The following VPS51 variants were observed in gnomAD, a reference collection of about 807,000 sequenced individuals.
VPS51 encodes the protein vacuolar protein sorting-associated protein 51 homolog.
Under a neutral mutation model 65.1 loss-of-function variants are expected in VPS51, and 55 were observed. That is an observed-to-expected ratio of 0.84 (90% CI 0.68 to 1.06). The LOEUF is 1.06. VPS51 is among the 50% of genes least tolerant of loss of function. The pLI, the probability that VPS51 is intolerant of heterozygous loss-of-function variation, is 0.00. For synonymous variants in VPS51, 473 were observed against 489.5 expected, an observed-to-expected ratio of 0.97 and a Z score of 0.44; for missense variants, 943 against 1,101.6, an observed-to-expected ratio of 0.86 and a Z score of 2.04.
chr11:65,109,854 T>G lies in VPS51; in HGVS notation c.1809T>G (p.Thr603=), dbSNP rs1476674430. ...TGGAGACTCGCGACTGGCTCAGCAC[T>G]CTGGAGCCCCGGAATGTGCGGGCCG... The part of the protein sequence containing the change: ...KSVETRDWLS[T]LEPRNVRAVM... Residue 603 remains threonine (T), a synonymous_variant, in exon 7 of 10, where the codon ACT becomes ACG. Coordinates refer to ENST00000279281, the MANE Select transcript of VPS51 (RefSeq NM_013265.4). The G allele has an allele frequency of 6.2e-7, 1 of 1,611,964 alleles. No homozygotes were observed. Among genetic ancestry groups the G allele is most frequent in the Admixed American group, 1.7e-5 (1 of 59,862 alleles).
At chr11:65,110,185 A>G (rs895470951) in intron 7 of VPS51, 94 of 621,406 alleles carry the variant, frequency 1.5e-4, no homozygotes, top group Non-Finnish European at 3.9e-5. Flanking sequence ...GGATTATGAC[A>G]TCTTCGCCCC....
chr11:65,101,806 A>G (rs1207231525), intron 2 of VPS51, among the ~76,000 whole-genome samples: 1 of 149,868 alleles, frequency 6.7e-6, no homozygotes, highest in Non-Finnish European at 1.5e-5. Context: ...ATTAACAGAC[A>G]TACAGAAAAG....
In VPS51 at chr11:65,096,497, T is replaced by TGG; in HGVS notation, c.228+25_228+26dup. 12 of 628,424 alleles carry TGG rather than the reference T, an allele frequency of 1.9e-5. No homozygotes were observed. Among genetic ancestry groups the TGG allele is most frequent in the East Asian group, 4.6e-5 (1 of 21,550 alleles). 38.9% of individuals were successfully genotyped at this position (628,424 alleles called of 1,614,324 possible). On this transcript the variant is annotated intron_variant, in intron 1 of 9. Transcript: ENST00000279281. ...AGACAAGGTGTGTGCGCACGGGGAG[T>TGG]GGGGGGGTGCGGGGAGGGGGGAAGG...
chr11:65,109,887 G>A lies in VPS51; in HGVS notation c.1842G>A (p.Lys614=). The A allele has an allele frequency of 6.2e-7, 1 of 1,609,906 alleles. No homozygotes were observed. Among genetic ancestry groups the A allele is most frequent in the Admixed American group, 1.7e-5 (1 of 59,724 alleles). ...LEPRNVRAVM[K]RVVEDTTAID... ...CCCGGAATGTGCGGGCCGTCATGAA[G>A]CGGGTGGTGGAGGATACCACCGCCA... is the stretch of plus-strand genomic sequence containing the variant. Residue 614 remains lysine, a synonymous_variant, in exon 7 of 10, where the codon AAG becomes AAA. Coordinates refer to ENST00000279281, the MANE Select transcript of VPS51 (RefSeq NM_013265.4).
At chr11:65,100,150 T>C (rs1947798467) in intron 2 of VPS51, among the ~76,000 whole-genome samples, 2 of 152,096 alleles carry the variant, frequency 1.3e-5, no homozygotes, top group South Asian at 4.1e-4. Context: ...GCCCACAGAA[T>C]GGGAGAAAAT....
chr11:65,101,013 GT>G (rs1163424508), intron 2 of VPS51, among the ~76,000 whole-genome samples: 1 of 152,210 alleles, frequency 6.6e-6, no homozygotes, highest in Non-Finnish European at 1.5e-5. Flanking sequence ...ACATGCTAAT[GT>G]TTCATATGCC....
At position 65,108,208 on chromosome 11, in the gene VPS51, C is replaced by T. The variant is rs745643658; in HGVS notation, c.737C>T (p.Ser246Leu). ...QLRQRFREGGSGAPEQAECVE... is the reference protein window; with the variant it reads ...QLRQRFREGGLGAPEQAECVE... ...TCTCCCTCGTGCAGGGAGGGCGGCT[C>T]AGGCGCCCCGGAGCAGGCAGAGTGC... Residue 246 changes from serine to leucine, a missense_variant, in exon 5 of 10, where the codon TCA becomes TTA. Physicochemically the swap from Ser to Leu is moderately radical, Grantham distance 145. Transcript: ENST00000279281. 5 of 1,600,280 alleles carry T rather than the reference C, an allele frequency of 3.1e-6. No homozygotes were observed. The highest frequency in any genetic ancestry group is 2.2e-5 in the South Asian group (2 of 89,758).
Position 65,108,414 on chromosome 11 carries a change from C to T in VPS51, c.943C>T (p.Leu315Phe), listed in dbSNP as rs760838571. Reference sequence around the variant, plus strand: ...TGGAGGCAGTGGCTTCGTGGGCGGCCTCTGCCAGGTGGCGGCGGCCTACCA... The same window carrying T: ...TGGAGGCAGTGGCTTCGTGGGCGGCTTCTGCCAGGTGGCGGCGGCCTACCA... Reference protein sequence around the residue: ...DHGGSGFVGGLCQVAAAYQEL... With the variant: ...DHGGSGFVGGFCQVAAAYQEL... Residue 315 changes from leucine to phenylalanine, a missense_variant, in exon 5 of 10, where the codon CTC becomes TTC. By Grantham distance (22) the Leu-to-Phe change is conservative. Coordinates refer to ENST00000279281, the MANE Select transcript of VPS51 (RefSeq NM_013265.4). 21 of 1,612,060 alleles carry T rather than the reference C, an allele frequency of 1.3e-5. No homozygotes were observed. The highest frequency in any genetic ancestry group is 1.8e-5 in the Non-Finnish European group (21 of 1,179,638).
At position 65,111,646 on chromosome 11, in the gene VPS51, C is replaced by G. The variant is rs1051626885; in HGVS notation, c.*59C>G. Reference sequence around the variant, plus strand: ...CACCCCATGGCACCCAGGATCTGGTCTCGGTGGTCCTTCCCCGCAGGCAGG... The same window carrying G: ...CACCCCATGGCACCCAGGATCTGGTGTCGGTGGTCCTTCCCCGCAGGCAGG... On this transcript the variant is annotated 3_prime_UTR_variant, in exon 10 of 10. Coordinates refer to ENST00000279281, the MANE Select transcript of VPS51 (RefSeq NM_013265.4). 5.3e-6 allele frequency: 8 copies of G among 1,522,492 alleles called. No homozygotes were observed. In the South Asian group the frequency reaches 6.1e-5, roughly 12 times the overall value. 94.3% of individuals were successfully genotyped at this position (1,522,492 alleles called of 1,614,324 possible).
chr11:65,101,656 G>A (rs1002632502), intron 2 of VPS51, among the ~76,000 whole-genome samples: 3 of 149,126 alleles, frequency 2.0e-5, no homozygotes, highest in Non-Finnish European at 4.4e-5. Context: ...AGTCCGAGCT[G>A]CTCAGGAAGC....
chr11:65,108,601 G>A lies in VPS51; in HGVS notation c.1130G>A (p.Arg377Gln). 1 of 1,532,012 alleles carries A rather than the reference G, an allele frequency of 6.5e-7. No homozygotes were observed. The highest frequency in any genetic ancestry group is 2.1e-5 in the Admixed American group (1 of 47,588). The allele number at this position is 1,532,012 out of a possible 1,614,324, so 94.9% of individuals were successfully genotyped here. A position where few individuals can be genotyped will look rare whatever the true frequency, so the allele number is the denominator to read the frequency against. The change falls in exon 5 of 10, where the codon CGG (arginine) becomes CAG (glutamine). Residue 377 changes from arginine (R) to glutamine (Q), a missense_variant. This residue lies in a region of VPS51 where 855 missense variants were observed against 953.7 expected (regional missense o/e 0.90). Transcript: ENST00000279281. ...LLVRALDRFH[R>Q]RLRAPGALLA... ...GTGCGGGCGCTGGACCGCTTCCACCGGCGCTTGCGGGCTCCCGGGGCCCTG... is the reference window on the plus strand; with the variant it reads ...GTGCGGGCGCTGGACCGCTTCCACCAGCGCTTGCGGGCTCCCGGGGCCCTG...
rs1286105060 is a variant in VPS51 at position 65,108,687 on chromosome 11, C to T, written c.1216C>T (p.Arg406Cys). The T allele has an allele frequency of 5.0e-6, 8 of 1,591,804 alleles. No individual in the cohort carries two copies. Among genetic ancestry groups the T allele is most frequent in the African/African-American group, 1.3e-5 (1 of 74,472 alleles). Residue 406 changes from arginine to cysteine, a missense_variant, in exon 5 of 10, where the codon CGC (arginine) becomes TGC (cysteine). Arg to Cys is a radical substitution (Grantham distance 180, BLOSUM62 -3). Around this residue, in one of 2 missense-constraint regions of VPS51, gnomAD observed 855 missense variants for 953.7 expected, o/e 0.90. Coordinates refer to ENST00000279281, the MANE Select transcript of VPS51 (RefSeq NM_013265.4). ...TEIVERVARERLGHHLQGLRA... is the reference protein window; with the variant it reads ...TEIVERVARECLGHHLQGLRA... Reference sequence around the variant, plus strand: ...GATCGTGGAACGAGTGGCCCGCGAGCGCCTGGGCCACCACCTGCAGGGTCT... The same window carrying T: ...GATCGTGGAACGAGTGGCCCGCGAGTGCCTGGGCCACCACCTGCAGGGTCT...
rs1947890281 is a variant in VPS51 at position 65,110,700 on chromosome 11, G to A, written c.2007G>A (p.Pro669=). The part of the protein sequence containing the change: ...RYAPSYTPSA[P]MDTNLLSNIQ... The stretch of plus-strand genomic sequence containing the variant: ...CTTGTCTTCCCCAATCCAGTGCCCC[G>A]ATGGACACCAACCTCTTGAGCAATA... Residue 669 remains proline (P), a synonymous_variant, in exon 9 of 10, where the codon CCG becomes CCA. Coordinates refer to ENST00000279281, the MANE Select transcript of VPS51 (RefSeq NM_013265.4). 3 of 1,614,036 alleles carry A rather than the reference G, an allele frequency of 1.9e-6. No homozygotes were observed. The highest frequency in any genetic ancestry group is 2.5e-6 in the Non-Finnish European group (3 of 1,180,030).
intron 7 of VPS51, chr11:65,110,167 T>C: frequency 1.6e-6 from 1 of 621,766 alleles, no homozygotes; most frequent in Non-Finnish European, 2.8e-6. Flanking sequence ...TTGTTCCTTC[T>C]CAGCCCAGGA....
chr11:65,104,749 G>A (rs1031335492), intron 2 of VPS51, among the ~76,000 whole-genome samples: 2 of 152,086 alleles, frequency 1.3e-5, no homozygotes, highest in African/African-American at 4.8e-5. Flanking sequence ...TGTTATGTTT[G>A]TTCCATCAAG....
At position 65,111,843 on chromosome 11, in the gene VPS51, T is replaced by C; in HGVS notation, c.*256T>C. On this transcript the variant is annotated 3_prime_UTR_variant, in exon 10 of 10. Coordinates refer to ENST00000279281, the MANE Select transcript of VPS51 (RefSeq NM_013265.4). ...CAGCATGGGCAGGGGGCGGTTCCACTTAAAAACCCTGGGACGAGAGCGGTC... is the reference window on the plus strand; with the variant it reads ...CAGCATGGGCAGGGGGCGGTTCCACCTAAAAACCCTGGGACGAGAGCGGTC... 1 of 972,448 alleles carries C rather than the reference T, an allele frequency of 1.0e-6. No individual in the cohort carries two copies. Among genetic ancestry groups the C allele is most frequent in the Non-Finnish European group, 1.5e-6 (1 of 656,894 alleles). 60.2% of individuals were successfully genotyped at this position (972,448 alleles called of 1,614,324 possible). A position where few individuals can be genotyped will look rare whatever the true frequency, so the allele number is the denominator to read the frequency against.
At chr11:65,109,233 A>C (rs1947869828) in intron 5 of VPS51, 47 bp from the exon 6 acceptor site, 3 of 1,581,924 alleles carry the variant, frequency 1.9e-6, no homozygotes, top group Non-Finnish European at 2.6e-6. Flanking sequence ...TAACAGCCTT[A>C]CCTGGAAGAG....
In VPS51 at chr11:65,108,181, C is replaced by T. The variant is rs1160387666; in HGVS notation, c.726-16C>T. 1 of 1,596,446 alleles carries T rather than the reference C, an allele frequency of 6.3e-7. No individual in the cohort carries two copies. Among genetic ancestry groups the T allele is most frequent in the Non-Finnish European group, 8.5e-7 (1 of 1,176,416 alleles). On this transcript the variant is annotated splice_polypyrimidine_tract_variant and intron_variant, in intron 4 of 9. Coordinates refer to ENST00000279281, the MANE Select transcript of VPS51 (RefSeq NM_013265.4). Reference sequence around the variant, plus strand: ...GCAGCCCCGGCCCTGCCCTTCACTACCTCTCCCTCGTGCAGGGAGGGCGGC... The same window carrying T: ...GCAGCCCCGGCCCTGCCCTTCACTATCTCTCCCTCGTGCAGGGAGGGCGGC...
chr11:65,108,975 T>C, intron 5 of VPS51, 61 bp downstream of exon 5: 1 of 1,570,806 alleles, frequency 6.4e-7, no homozygotes. Context: ...AAACCTTTTA[T>C]GCCAGTGCTT....
Sources: allele counts gnomAD v4.1 joint callset (sites outside exome capture counted in the v4.1 genomes callset), GRCh38; gene constraint gnomAD v4.1.1; regional missense constraint gnomAD v4.1.1; transcripts MANE v1.5; gene names NCBI Gene and HGNC (gene_info 2026-07-23, HGNC 2026-07-21).